CNTNAP5: variants seen among roughly 807,000 people sequenced by gnomAD.
CNTNAP5 encodes the protein contactin-associated protein-like 5.
A neutral mutation model predicts 150.2 loss-of-function variants in CNTNAP5; 72 were observed. That is an observed-to-expected ratio of 0.48 (90% CI 0.40 to 0.58). The LOEUF is 0.58. CNTNAP5 is among the 20% of genes least tolerant of loss of function. The pLI is 0.00. For synonymous variants in CNTNAP5, 672 were observed against 619.8 expected, an observed-to-expected ratio of 1.08 and a Z score of -1.25; for missense variants, 1,636 against 1,626.2, an observed-to-expected ratio of 1.01 and a Z score of -0.10.
At chr2:124,249,331 C>T (rs949609389) in intron 3 of CNTNAP5, among the ~76,000 whole-genome samples, 1 of 152,190 alleles carries the variant, frequency 6.6e-6, no homozygotes, top group Admixed American at 6.6e-5. Context: ...CCTTTGTTTT[C>T]CTTCCTTCTC....
At chr2:124,090,789 G>A (rs1682796054) in intron 1 of CNTNAP5, among the ~76,000 whole-genome samples, 2 of 152,248 alleles carry the variant, frequency 1.3e-5, no homozygotes, top group South Asian at 2.1e-4. Context: ...ATTATTATCA[G>A]CCATAATTTT....
At chr2:124,163,434 T>C (rs931619564) in intron 1 of CNTNAP5, among the ~76,000 whole-genome samples, 1 of 152,136 alleles carries the variant, frequency 6.6e-6, no homozygotes, top group Non-Finnish European at 1.5e-5. Flanking sequence ...TTACTGCAAA[T>C]GTCAAGATGG....
intron 12 of CNTNAP5, among the ~76,000 whole-genome samples, chr2:124,620,620 G>A (rs1336506714): frequency 2.6e-5 from 4 of 151,880 alleles, no homozygotes; most frequent in Admixed American, 1.3e-4. Flanking sequence ...GGATGGCCTT[G>A]GATAAATCAT....
chr2:124,813,723 T>C (rs1422655398), intron 19 of CNTNAP5, among the ~76,000 whole-genome samples: 1 of 151,902 alleles, frequency 6.6e-6, no homozygotes, highest in East Asian at 1.9e-4. Context: ...AAAATGTCCA[T>C]GTCAGAAACA....
At chr2:124,082,348 C>CAAA (rs56285830) in intron 1 of CNTNAP5, among the ~76,000 whole-genome samples, 4 of 73,582 alleles carry the variant, frequency 5.4e-5, no homozygotes, top group East Asian at 5.6e-4. Flanking sequence ...GACTCTCTCT[C>CAAA]AAAAAAAAAA....
At chr2:124,228,710 T>C (rs1227618121) in intron 2 of CNTNAP5, among the ~76,000 whole-genome samples, 2 of 152,222 alleles carry the variant, frequency 1.3e-5, no homozygotes, top group East Asian at 1.9e-4. Context: ...TAGTGTTTTC[T>C]TAACACATTT....
intron 8 of CNTNAP5, among the ~76,000 whole-genome samples, chr2:124,517,443 T>A (rs537186448): frequency 2.0e-5 from 3 of 151,218 alleles, no homozygotes; most frequent in African/African-American, 7.3e-5. Context: ...GCTTGTGGTG[T>A]TGGTAATGGA....
intron 13 of CNTNAP5, among the ~76,000 whole-genome samples, chr2:124,722,439 A>T (rs1680068065): frequency 6.6e-6 from 1 of 152,188 alleles, no homozygotes; most frequent in African/African-American, 2.4e-5. Context: ...TCTCCTGCCA[A>T]AAAGGAGAAA....
chr2:124,511,469 C>T (rs1287035004), intron 8 of CNTNAP5, among the ~76,000 whole-genome samples: 1 of 152,216 alleles, frequency 6.6e-6, no homozygotes, highest in Non-Finnish European at 1.5e-5. Context: ...TGAACTCAGG[C>T]TTCAGTGGTT....
rs1009265782 is a variant in CNTNAP5 at position 124,496,753 on chromosome 2, C to T, written c.1063-7539C>T. Among the ~76,000 whole-genome samples, 14 of 152,222 alleles carry T rather than the reference C, an allele frequency of 9.2e-5. No individual in the cohort carries two copies. In the East Asian group the frequency reaches 1.5e-3, roughly 17 times the overall value. On this transcript the variant is annotated intron_variant, in intron 7 of 23. Transcript: ENST00000682447. ...ATTTCCTCTCAGGAATAATGAAGGACGTGCCAGGATCTCACTGTCCCTACG... is the reference window on the plus strand; with the variant it reads ...ATTTCCTCTCAGGAATAATGAAGGATGTGCCAGGATCTCACTGTCCCTACG...
At chr2:124,256,268 CAG>C (rs1451399316) in intron 3 of CNTNAP5, among the ~76,000 whole-genome samples, 1 of 152,080 alleles carries the variant, frequency 6.6e-6, no homozygotes. Flanking sequence ...ATACTTAACT[CAG>C]AAATAAAGCA....
chr2:124,391,992 A>G (rs115827548), intron 3 of CNTNAP5, among the ~76,000 whole-genome samples: 5,886 of 152,208 alleles, frequency 0.039, 159 homozygotes, highest in Non-Finnish European at 0.054. Context: ...AGGTGAGAGC[A>G]GGCACTGAGA....
intron 22 of CNTNAP5, among the ~76,000 whole-genome samples, chr2:124,908,820 T>C (rs1678594158): frequency 6.6e-6 from 1 of 152,108 alleles, no homozygotes; most frequent in Admixed American, 6.6e-5. Context: ...GTTTGTGTCT[T>C]AGTTTTCAGG....
intron 13 of CNTNAP5, among the ~76,000 whole-genome samples, chr2:124,670,145 C>CTTCCTTCT (rs1553429567): frequency 7.8e-6 from 1 of 127,710 alleles, no homozygotes; most frequent in Non-Finnish European, 1.7e-5. Flanking sequence ...TCCTTCCTTC[C>CTTCCTTCT]TTCCTTCCTT....
At chr2:124,357,277 G>C (rs1232240391) in intron 3 of CNTNAP5, among the ~76,000 whole-genome samples, 1 of 152,172 alleles carries the variant, frequency 6.6e-6, no homozygotes, top group Non-Finnish European at 1.5e-5. Context: ...TCTGATGGTA[G>C]TTTATTTTGC....
intron 19 of CNTNAP5, among the ~76,000 whole-genome samples, chr2:124,830,530 C>T (rs527438392): frequency 1.5e-4 from 23 of 151,960 alleles, no homozygotes; most frequent in South Asian, 6.2e-4. Context: ...AGGAAGAGTG[C>T]GTCCAGGGTC....
At chr2:124,866,448 G>T (rs1259543473) in intron 20 of CNTNAP5, among the ~76,000 whole-genome samples, 3 of 152,260 alleles carry the variant, frequency 2.0e-5, no homozygotes, top group African/African-American at 7.2e-5. Flanking sequence ...CTGTGGGAAG[G>T]CATGTGGTGG....
intron 1 of CNTNAP5, among the ~76,000 whole-genome samples, chr2:124,130,741 A>G (rs1030398501): frequency 1.3e-5 from 2 of 152,114 alleles, no homozygotes; most frequent in Non-Finnish European, 2.9e-5. Context: ...TTTTTATCAT[A>G]CTTTGAATAT....
intron 19 of CNTNAP5, among the ~76,000 whole-genome samples, chr2:124,852,220 A>G (rs1325259696): frequency 6.6e-6 from 1 of 152,210 alleles, no homozygotes; most frequent in Non-Finnish European, 1.5e-5. Context: ...TCCATGATGC[A>G]CTAATCAATT....
Sources: allele counts gnomAD v4.1 joint callset (sites outside exome capture counted in the v4.1 genomes callset), GRCh38; gene constraint gnomAD v4.1.1; transcripts MANE v1.5; gene names NCBI Gene and HGNC (gene_info 2026-07-23, HGNC 2026-07-21).